Variants in SCRN1 observed in about 807,000 individuals in gnomAD.
The protein encoded by SCRN1 is secernin 1.
In SCRN1, 19 loss-of-function variants were observed where a neutral mutation model predicts 43.3. The ratio of observed to expected loss-of-function variants is 0.44; its 90% confidence interval spans 0.31 to 0.64. SCRN1 has a LOEUF of 0.64. SCRN1 is among the 30% of genes least tolerant of loss of function. SCRN1 has a pLI of 0.09. For missense variants in SCRN1, 447 were observed against 524.1 expected (o/e 0.85, Z 1.44); for synonymous variants, 183 against 188.9 (o/e 0.97, Z 0.26).
Position 29,940,782 on chromosome 7 carries a change from C to T in SCRN1, c.639G>A (p.Trp213Ter), listed in dbSNP as rs1263277943. 1.2e-6 allele frequency: 2 copies of T among 1,610,410 alleles called. No homozygotes were observed. The highest frequency in any genetic ancestry group is 1.7e-6 in the Non-Finnish European group (2 of 1,179,108). ...AATTGAACTCGCCCTCTCCCGTCCA[C>T]CAACCTTGGCTCTGAGCGTAACTCC... Reference protein sequence around the residue: ...ELRSYAQSQGWWTGEGEFNFS... With the variant: ...ELRSYAQSQG Residue 213 changes from tryptophan (W) to a stop codon, truncating the protein, a stop_gained, in exon 5 of 8, where the codon TGG (tryptophan) becomes TGA (stop). Coordinates refer to ENST00000242059, the MANE Select transcript of SCRN1 (RefSeq NM_014766.5). LOFTEE classifies it high-confidence loss of function.
At chr7:29,989,879 C>T, upstream of SCRN1, 4 of 1,032,464 alleles carry the variant, frequency 3.9e-6, no homozygotes, top group South Asian at 4.1e-5. Context: ...GCCTCCCCCA[C>T]CCCGGCCCCC....
chr7:29,959,385 G>C (rs1268905177), intron 2 of SCRN1, among the ~76,000 whole-genome samples: 18 of 152,064 alleles, frequency 1.2e-4, no homozygotes, highest in Non-Finnish European at 1.5e-5. Context: ...CTATCACTGA[G>C]GGTTTTTTAT....
intron 6 of SCRN1, among the ~76,000 whole-genome samples, chr7:29,931,063 G>A (rs977611198): frequency 6.6e-6 from 1 of 152,178 alleles, no homozygotes; most frequent in Admixed American, 6.5e-5. Context: ...AGCCTTGAGT[G>A]ACAATTTGAG....
In SCRN1 at chr7:29,926,434, G is replaced by A; in HGVS notation, c.1086+18C>T. On this transcript the variant is annotated intron_variant, in intron 7 of 7. Transcript: ENST00000242059. ...GCCCGCCTCCGCCTCCGCCTCTGTG[G>A]CCCTCATGCAAGCTCACCTGGTCAC... is the stretch of plus-strand genomic sequence containing the variant. 6.2e-7 allele frequency: 1 copy of A among 1,606,468 alleles called. No individual in the cohort carries two copies. The highest frequency in any genetic ancestry group is 8.5e-7 in the Non-Finnish European group (1 of 1,175,182).
At chr7:29,952,645 A>G (rs1217847501) in intron 3 of SCRN1, among the ~76,000 whole-genome samples, 3 of 151,712 alleles carry the variant, frequency 2.0e-5, no homozygotes, top group Admixed American at 6.6e-5. Flanking sequence ...AGCCGAGATC[A>G]TACCACTGCA....
rs952052156 is a variant in SCRN1 at position 29,920,189 on chromosome 7, G to A, written c.*3768C>T. The stretch of plus-strand genomic sequence containing the variant: ...CAAGCACTGGATAGGGATATTATCT[G>A]CTTTGTAGATATTTGTACAAAAGAC... On this transcript the variant is annotated 3_prime_UTR_variant, in exon 8 of 8. Coordinates refer to ENST00000242059, the MANE Select transcript of SCRN1 (RefSeq NM_014766.5). 1 of 152,520 alleles carries A rather than the reference G, an allele frequency of 6.6e-6. No individual in the cohort carries two copies. The highest frequency in any genetic ancestry group is 2.4e-5 in the African/African-American group (1 of 41,386). The allele number at this position is 152,520 out of a possible 1,614,324, so 9.4% of individuals were successfully genotyped here. A position where few individuals can be genotyped will look rare whatever the true frequency, so the allele number is the denominator to read the frequency against.
At chr7:29,947,275 A>G (rs1787765317) in intron 3 of SCRN1, 1 of 1,550,792 alleles carries the variant, frequency 6.4e-7, no homozygotes, top group Non-Finnish European at 8.7e-7. Context: ...ACCTTCTCAC[A>G]GGTATGTCAA....
chr7:29,978,905 G>A, intron 1 of SCRN1, among the ~76,000 whole-genome samples: 1 of 152,174 alleles, frequency 6.6e-6, no homozygotes, highest in African/African-American at 2.4e-5. Context: ...TGATTCATGT[G>A]GCAGATTAGT....
chr7:29,975,319 T>C (rs1788785783), intron 1 of SCRN1, among the ~76,000 whole-genome samples: 1 of 152,210 alleles, frequency 6.6e-6, no homozygotes, highest in South Asian at 2.1e-4. Flanking sequence ...AATTGATGGC[T>C]TTTTAAAAAA....
chr7:29,963,118 C>A (rs1477569948), intron 2 of SCRN1, among the ~76,000 whole-genome samples: 1 of 152,028 alleles, frequency 6.6e-6, no homozygotes, highest in Non-Finnish European at 1.5e-5. Context: ...CATCAGCTCA[C>A]GTGTGTCTCA....
chr7:29,944,151 T>C lies in SCRN1; in HGVS notation c.370A>G (p.Lys124Glu). The C allele has an allele frequency of 1.2e-6, 2 of 1,614,230 alleles. No homozygotes were observed. The highest frequency in any genetic ancestry group is 1.7e-6 in the Non-Finnish European group (2 of 1,180,038). ...RLGLERGETA[K>E]EALDVIVSLL... ...GAGACAATGACATCTAAGGCTTCTT[T>C]AGCTGTTTCCCCTCTTTCTAAACCA... The change falls in exon 4 of 8, where the codon AAA (lysine) becomes GAA (glutamate). Residue 124 changes from lysine (K) to glutamate (E), a missense_variant. Coordinates refer to ENST00000242059, the MANE Select transcript of SCRN1 (RefSeq NM_014766.5).
Position 29,926,445 on chromosome 7 carries a change from A to G in SCRN1, c.1086+7T>C. 6.2e-7 allele frequency: 1 copy of G among 1,609,348 alleles called. No homozygotes were observed. Among genetic ancestry groups the G allele is most frequent in the Non-Finnish European group, 8.5e-7 (1 of 1,176,934 alleles). ...CCTCCGCCTCTGTGGCCCTCATGCA[A>G]GCTCACCTGGTCACTTTCGATGATG... On this transcript the variant is annotated splice_region_variant and intron_variant, in intron 7 of 7. Transcript: ENST00000242059.
upstream of SCRN1, chr7:29,990,200 C>G (rs974999998): frequency 6.4e-6 from 10 of 1,551,652 alleles, no homozygotes; most frequent in Non-Finnish European, 8.7e-6. Flanking sequence ...CTCGCACGTC[C>G]AAGTCGAGTC....
chr7:29,943,262 G>A (rs1027260961), intron 4 of SCRN1, among the ~76,000 whole-genome samples: 3 of 152,174 alleles, frequency 2.0e-5, no homozygotes, highest in Admixed American at 1.3e-4. Flanking sequence ...GGACTACTTA[G>A]TTCTCTTCGA....
At chr7:29,929,621 G>A (rs1787091037) in intron 6 of SCRN1, among the ~76,000 whole-genome samples, 1 of 152,222 alleles carries the variant, frequency 6.6e-6, no homozygotes, top group Admixed American at 6.5e-5. Context: ...AGCAGGGCAG[G>A]GAACTGGGCT....
chr7:29,954,501 A>G (rs1010133091), intron 3 of SCRN1, among the ~76,000 whole-genome samples: 3 of 152,138 alleles, frequency 2.0e-5, no homozygotes, highest in Admixed American at 2.0e-4. Flanking sequence ...ATCACTCCCC[A>G]TTCTCTCACC....
At chr7:29,976,238 G>A (rs965579533) in intron 1 of SCRN1, among the ~76,000 whole-genome samples, 8 of 152,250 alleles carry the variant, frequency 5.3e-5, no homozygotes, top group African/African-American at 1.2e-4. Context: ...GCCACCAGCC[G>A]GATGGGCTAT....
chr7:29,941,585 CGTGT>C (rs541394885), intron 4 of SCRN1, among the ~76,000 whole-genome samples: 17 of 152,044 alleles, frequency 1.1e-4, no homozygotes, highest in Admixed American at 7.2e-4. Flanking sequence ...TGTGTGCATG[CGTGT>C]GTGTATGTGT....
At chr7:29,940,179 C>T (rs556516064) in intron 5 of SCRN1, among the ~76,000 whole-genome samples, 13 of 151,208 alleles carry the variant, frequency 8.6e-5, no homozygotes, top group Non-Finnish European at 1.3e-4. Context: ...AACAAACAAA[C>T]AAATAAATAA....
Sources: gnomAD v4.1 joint callset for allele counts (sites outside exome capture counted in the v4.1 genomes callset) on GRCh38, gnomAD v4.1.1 for gene constraint, MANE v1.5 for transcripts, NCBI Gene and HGNC (gene_info 2026-07-23, HGNC 2026-07-21) for gene names.